Variants in CSNK2A1 observed in about 807,000 individuals in gnomAD.
The protein encoded by CSNK2A1 is casein kinase 2 alpha 1.
Under a neutral mutation model 62.9 loss-of-function variants are expected in CSNK2A1, and 10 were observed. That is an observed-to-expected ratio of 0.16 (90% CI 0.10 to 0.27). The LOEUF (loss-of-function observed/expected upper bound fraction) is 0.27. CSNK2A1 is among the 10% of genes least tolerant of loss of function. CSNK2A1 has a pLI of 1.00. For synonymous variants in CSNK2A1, 124 were observed against 167.8 expected (o/e 0.74, Z 2.02); for missense variants, 160 against 492.0 (o/e 0.33, Z 6.38).
chr20:493,798 T>G (rs1471113938), intron 8 of CSNK2A1, among the ~76,000 whole-genome samples: 1 of 152,216 alleles, frequency 6.6e-6, no homozygotes, highest in Non-Finnish European at 1.5e-5. Context: ...GCAACCCCTC[T>G]GCTCTTTATC....
intron 3 of CSNK2A1, chr20:506,321 T>C (rs955761359): frequency 2.6e-5 from 4 of 152,228 alleles, no homozygotes; most frequent in Non-Finnish European, 5.9e-5. Flanking sequence ...TGAAGGTAAA[T>C]GGCTTTCAAA....
At chr20:536,678 C>T (rs111350677) in intron 1 of CSNK2A1, among the ~76,000 whole-genome samples, 15 of 152,302 alleles carry the variant, frequency 9.8e-5, no homozygotes, top group African/African-American at 3.6e-4. Context: ...ATTTCTGCAG[C>T]TGTTTCAAAA....
Position 492,375 on chromosome 20 carries a change from A to G in CSNK2A1, c.511-11T>C. The G allele has an allele frequency of 6.2e-7, 1 of 1,613,550 alleles. No individual in the cohort carries two copies. The highest frequency in any genetic ancestry group is 1.7e-5 in the Admixed American group (1 of 60,010). On this transcript the variant is annotated splice_polypyrimidine_tract_variant and intron_variant, in intron 8 of 13. Transcript: ENST00000217244. Reference sequence around the variant, plus strand: ...GTCTATTAGTCGTAGCTGAAAAAGAATAAACCATGAGCAATCTTATCTTTC... The same window carrying G: ...GTCTATTAGTCGTAGCTGAAAAAGAGTAAACCATGAGCAATCTTATCTTTC...
Position 508,498 on chromosome 20 carries a change from G to A in CSNK2A1, c.54C>T (p.His18=), listed in dbSNP as rs780505293. The change falls in exon 3 of 14, where the codon CAC becomes CAT. Residue 18 remains histidine (H), a synonymous_variant. Transcript: ENST00000217244. ...CGTAATCCCAGTATTCTCGAGGTCT[G>A]TGTGTATTAACATCTGTGTAAACTC... ...RARVYTDVNT[H]RPREYWDYES... 6 of 1,614,056 alleles carry A rather than the reference G, an allele frequency of 3.7e-6. No individual in the cohort carries two copies. The highest frequency in any genetic ancestry group is 5.1e-6 in the Non-Finnish European group (6 of 1,180,030).
At chr20:529,231 G>A (rs1488437917) in intron 1 of CSNK2A1, among the ~76,000 whole-genome samples, 1 of 131,930 alleles carries the variant, frequency 7.6e-6, no homozygotes, top group Admixed American at 8.1e-5. Flanking sequence ...TCACTATGTT[G>A]CCCGGGCTAG....
chr20:510,250 A>G (rs1473416500), intron 2 of CSNK2A1: 1 of 149,184 alleles, frequency 6.7e-6, no homozygotes, highest in Non-Finnish European at 1.5e-5. Flanking sequence ...TTGGCTCACC[A>G]CAACCTCTGC....
intron 8 of CSNK2A1, chr20:492,770 CCTTT>C (rs1355620983): frequency 1.2e-5 from 2 of 164,150 alleles, no homozygotes; most frequent in African/African-American, 4.8e-5. Context: ...ATGTTTTCTA[CCTTT>C]CTTTTTCAAT....
intron 2 of CSNK2A1, among the ~76,000 whole-genome samples, chr20:513,808 C>G (rs913371175): frequency 3.2e-4 from 48 of 152,186 alleles, no homozygotes; most frequent in Admixed American, 3.3e-4. Flanking sequence ...AATTTATGAA[C>G]TAGCAGATCT....
chr20:516,430 C>A (rs2018830160), intron 2 of CSNK2A1, among the ~76,000 whole-genome samples: 1 of 152,158 alleles, frequency 6.6e-6, no homozygotes, highest in African/African-American at 2.4e-5. Flanking sequence ...TCGAAGCCAA[C>A]TGCATGGGTC....
chr20:536,157 C>T (rs555813386), intron 1 of CSNK2A1, among the ~76,000 whole-genome samples: 2 of 152,072 alleles, frequency 1.3e-5, no homozygotes, highest in African/African-American at 2.4e-5. Flanking sequence ...TACTGATCCA[C>T]CCCTAGGCAG....
In CSNK2A1 at chr20:474,283, G is replaced by A. The variant is rs1421660641; in HGVS notation, c.*9678C>T. Reference sequence around the variant, plus strand: ...TACCCAGGCCTCAAGTGATCATCGGGCCTTGGCCTCCCAAAATGCTGGGGT... The same window carrying A: ...TACCCAGGCCTCAAGTGATCATCGGACCTTGGCCTCCCAAAATGCTGGGGT... On this transcript the variant is annotated 3_prime_UTR_variant, in exon 14 of 14. Transcript: ENST00000217244. 1 of 152,184 alleles carries A rather than the reference G, an allele frequency of 6.6e-6. No individual in the cohort carries two copies. Among genetic ancestry groups the A allele is most frequent in the Admixed American group, 6.5e-5 (1 of 15,270 alleles). 9.4% of individuals were successfully genotyped at this position (152,184 alleles called of 1,614,324 possible).
chr20:536,310 C>T (rs1409614958), intron 1 of CSNK2A1, among the ~76,000 whole-genome samples: 1 of 152,192 alleles, frequency 6.6e-6, no homozygotes, highest in Admixed American at 6.5e-5. Flanking sequence ...TAAACACATT[C>T]TTTTCTCCGA....
rs2018121281 is a variant in CSNK2A1 at position 487,312 on chromosome 20, A to C, written c.973+115T>G. ...TCACTATCCCCACTGGAAGAATCTGAGGCTCAGTGTGGGTGAATTAACTTT... is the reference window on the plus strand; with the variant it reads ...TCACTATCCCCACTGGAAGAATCTGCGGCTCAGTGTGGGTGAATTAACTTT... On this transcript the variant is annotated intron_variant, in intron 12 of 13. Coordinates refer to ENST00000217244, the MANE Select transcript of CSNK2A1 (RefSeq NM_177559.3). The C allele has an allele frequency of 4.8e-6, 7 of 1,445,464 alleles. No homozygotes were observed. The South Asian group carries it at 9.1e-5, about 19-fold the overall frequency. 89.5% of individuals were successfully genotyped at this position (1,445,464 alleles called of 1,614,324 possible).
chr20:539,929 A>C (rs1313495058), intron 1 of CSNK2A1: 1 of 152,248 alleles, frequency 6.6e-6, no homozygotes, highest in African/African-American at 2.4e-5. Flanking sequence ...TAACAGTTAG[A>C]CATTCCAGTT....
At chr20:506,061 A>T (rs1049472240) in intron 3 of CSNK2A1, 1 of 151,236 alleles carries the variant, frequency 6.6e-6, no homozygotes, top group Non-Finnish European at 1.5e-5. Context: ...TATTTTTAGT[A>T]AAGACGGGGT....
At chr20:502,982 A>C (rs1287367764) in intron 4 of CSNK2A1, 1 of 151,728 alleles carries the variant, frequency 6.6e-6, no homozygotes, top group Non-Finnish European at 1.5e-5. Context: ...CCTAACTACT[A>C]CCCTCTTCTG....
chr20:512,343 T>G (rs1329709923), intron 2 of CSNK2A1, among the ~76,000 whole-genome samples: 1 of 152,220 alleles, frequency 6.6e-6, no homozygotes, highest in Non-Finnish European at 1.5e-5. Context: ...TTTGTATATT[T>G]GTTTTGGAGA....
chr20:485,019 T>C (rs1449974609), intron 13 of CSNK2A1, among the ~76,000 whole-genome samples: 1 of 121,724 alleles, frequency 8.2e-6, no homozygotes, highest in Non-Finnish European at 1.6e-5. Flanking sequence ...GCAGCTGAGA[T>C]TGTGCCACTG....
At chr20:512,208 CT>C (rs546700255) in intron 2 of CSNK2A1, among the ~76,000 whole-genome samples, 6,351 of 144,092 alleles carry the variant, frequency 0.044, 179 homozygotes, top group African/African-American at 0.072. Flanking sequence ...TCTTCTTCTT[CT>C]TTTTTTTTTT....
Sources: gnomAD v4.1 joint callset for allele counts (sites outside exome capture counted in the v4.1 genomes callset) on GRCh38, gnomAD v4.1.1 for gene constraint, MANE v1.5 for transcripts, NCBI Gene and HGNC (gene_info 2026-07-23, HGNC 2026-07-21) for gene names.